Variants in C4orf51 observed in about 807,000 individuals in gnomAD.
C4orf51 encodes the protein chromosome 4 open reading frame 51, also known as uncharacterized protein C4orf51.
In C4orf51, 25 loss-of-function variants were observed where a neutral mutation model predicts 25.2. The ratio of observed to expected loss-of-function variants is 0.99; its 90% confidence interval spans 0.72 to 1.39. C4orf51 has a LOEUF of 1.39. Among genes scored for constraint, C4orf51 ranks in the 40% most tolerant of loss-of-function variants. C4orf51 has a pLI of 0.00. For synonymous variants in C4orf51, 100 were observed against 84.5 expected (o/e 1.18, Z -1.01); for missense variants, 252 against 239.6 (o/e 1.05, Z -0.34).
intron 2 of C4orf51, among the ~76,000 whole-genome samples, chr4:145,721,982 C>CT (rs1271265922): frequency 1.3e-5 from 2 of 152,092 alleles, no homozygotes; most frequent in Non-Finnish European, 2.9e-5. Context: ...GGTGATTTTC[C>CT]TTTTTTTGTG....
At chr4:145,753,964 C>T (rs574305443) in intron 1 of C4orf51, among the ~76,000 whole-genome samples, 1 of 152,336 alleles carries the variant, frequency 6.6e-6, no homozygotes, top group East Asian at 1.9e-4. Flanking sequence ...GCCAACTCCT[C>T]CATTTCTTAG....
At chr4:145,691,953 A>G (rs1729599063) in intron 1 of C4orf51, among the ~76,000 whole-genome samples, 1 of 152,256 alleles carries the variant, frequency 6.6e-6, no homozygotes, top group Non-Finnish European at 1.5e-5. Context: ...AGGATGCCTA[A>G]CAATAAGATC....
At chr4:145,770,557 T>C (rs1168238269) in intron 1 of C4orf51, among the ~76,000 whole-genome samples, 1 of 151,474 alleles carries the variant, frequency 6.6e-6, no homozygotes, top group East Asian at 1.9e-4. Flanking sequence ...GTAAGCATTA[T>C]AGAAAATATT....
intron 1 of C4orf51, among the ~76,000 whole-genome samples, chr4:145,738,060 G>C (rs1732895130): frequency 6.6e-6 from 1 of 151,778 alleles, no homozygotes; most frequent in Admixed American, 6.6e-5. Context: ...AGTAAGGCTT[G>C]GAGAGATTCA....
chr4:145,790,004 T>A, the C4orf51 span, among the ~76,000 whole-genome samples: 1 of 152,222 alleles, frequency 6.6e-6, no homozygotes, highest in African/African-American at 2.4e-5. Flanking sequence ...GCACCAATTA[T>A]GTAAATTTTA....
intron 1 of C4orf51, among the ~76,000 whole-genome samples, chr4:145,748,468 A>G (rs1560866654): frequency 6.6e-6 from 1 of 152,048 alleles, no homozygotes; most frequent in Admixed American, 6.5e-5. Flanking sequence ...GTTCTTTAAT[A>G]TACATCATTT....
At chr4:145,680,540 T>A in intron 1 of C4orf51, 104 bp downstream of exon 1, 1 of 784,296 alleles carries the variant, frequency 1.3e-6, no homozygotes. Context: ...TCATAGACTT[T>A]AACCCTCTGT....
At chr4:145,773,084 G>T (rs1052470485), downstream of C4orf51, among the ~76,000 whole-genome samples, 24 of 152,254 alleles carry the variant, frequency 1.6e-4, no homozygotes, top group African/African-American at 5.8e-4. Context: ...AGTAAAGAGG[G>T]TTAGAACAAA....
rs1734776045 is a variant in C4orf51, at chr4:145,763,049, G to A, written n.167-7939G>A. 4.6e-6 allele frequency: 7 copies of A among 1,520,408 alleles called. No individual in the cohort carries two copies. The East Asian group carries it at 1.7e-4, about 37-fold the overall frequency. The allele number at this position is 1,520,408 out of a possible 1,614,324, so 94.2% of individuals were successfully genotyped here. ...AGAGAAATATAAAGCCCATTCCCAG[G>A]TCAGGTGCACACACAACCCCTACGC... On this transcript the variant is annotated intron_variant and non_coding_transcript_variant, in intron 1 of 1. Transcript: ENST00000510096. This position sits in a 1 kb window ranked among gnomAD's most constrained non-coding sequence, Gnocchi z 4.6.
intron 2 of C4orf51, among the ~76,000 whole-genome samples, chr4:145,714,880 C>CCCCTCTTGCT (rs1249316735): frequency 6.6e-6 from 1 of 152,154 alleles, no homozygotes; most frequent in Non-Finnish European, 1.5e-5. Flanking sequence ...GCCCATTCCA[C>CCCCTCTTGCT]CCCTCTTGCT....
downstream of C4orf51, among the ~76,000 whole-genome samples, chr4:145,775,163 G>A (rs1289543535): frequency 3.3e-5 from 5 of 152,064 alleles, no homozygotes; most frequent in Non-Finnish European, 5.9e-5. Context: ...TACTCTATCC[G>A]GGACAACTTC....
intron 2 of C4orf51, among the ~76,000 whole-genome samples, chr4:145,712,151 C>A (rs1164759508): frequency 6.6e-6 from 1 of 152,154 alleles, no homozygotes; most frequent in Non-Finnish European, 1.5e-5. Flanking sequence ...CCTTGGGCCC[C>A]CCACTTCCCT....
rs374600935 is a variant in C4orf51, at chr4:145,745,320, A to ATTT, written n.168-8872_168-8870dup. Among the ~76,000 whole-genome samples, 272 of 135,322 alleles carry ATTT rather than the reference A, an allele frequency of 2.0e-3. 11 individuals carry two copies. The highest frequency in any genetic ancestry group is 4.7e-3 in the African/African-American group (170 of 36,020). The allele number at this position is 135,322 out of a possible 152,430, so 88.8% of individuals were successfully genotyped here. The stretch of plus-strand genomic sequence containing the variant: ...ATCAAATACTAGGTCTTATTCATTC[A>ATTT]TTTTTTTTTTTTTTTTTGGTACCCA... On this transcript the variant is annotated intron_variant and non_coding_transcript_variant, in intron 1 of 1. Transcript: ENST00000508981.
chr4:145,740,729 C>T (rs1299145005), intron 1 of C4orf51, among the ~76,000 whole-genome samples: 9 of 152,148 alleles, frequency 5.9e-5, no homozygotes, highest in African/African-American at 1.4e-4. Flanking sequence ...CCCACCATGG[C>T]GACACATGCT....
At chr4:145,754,661 G>A (rs770624564), downstream of C4orf51, among the ~76,000 whole-genome samples, 2 of 152,226 alleles carry the variant, frequency 1.3e-5, no homozygotes, top group African/African-American at 4.8e-5. Context: ...TAAGCCGGGC[G>A]CAGTGGCTCG....
At chr4:145,779,196 T>C in the C4orf51 span, among the ~76,000 whole-genome samples, 1 of 152,232 alleles carries the variant, frequency 6.6e-6, no homozygotes, top group Non-Finnish European at 1.5e-5. Context: ...ACCCTTTCAA[T>C]ACAAATAAAA....
the C4orf51 span, among the ~76,000 whole-genome samples, chr4:145,787,068 T>A: frequency 1.3e-5 from 2 of 152,316 alleles, no homozygotes; most frequent in Non-Finnish European, 2.9e-5. Flanking sequence ...TCTGCAGGTC[T>A]TGGCAGAACC....
chr4:145,704,562 ATT>A (rs1160723517), intron 2 of C4orf51, among the ~76,000 whole-genome samples: 3 of 152,138 alleles, frequency 2.0e-5, no homozygotes, highest in Non-Finnish European at 4.4e-5. Context: ...TGGGTTCTCT[ATT>A]CTTTTTCATT....
At chr4:145,715,856 C>G (rs1392614414) in intron 2 of C4orf51, among the ~76,000 whole-genome samples, 1 of 152,138 alleles carries the variant, frequency 6.6e-6, no homozygotes, top group Non-Finnish European at 1.5e-5. Context: ...CCAAAGCAAA[C>G]ATTTTTGTCT....
Sources: allele counts gnomAD v4.1 joint callset (sites outside exome capture counted in the v4.1 genomes callset), GRCh38; gene constraint gnomAD v4.1.1; non-coding constraint Gnocchi (gnomAD v3.1); transcripts MANE v1.5; gene names NCBI Gene and HGNC (gene_info 2026-07-23, HGNC 2026-07-21).